CACNA1E: variants seen among roughly 807,000 people sequenced by gnomAD.
CACNA1E encodes the protein calcium voltage-gated channel subunit alpha1 E.
CACNA1E carries 40 observed loss-of-function variants against 259.2 expected under a neutral mutation model. The ratio of observed to expected loss-of-function variants is 0.15; its 90% confidence interval spans 0.12 to 0.20. The LOEUF (loss-of-function observed/expected upper bound fraction) is 0.20, where lower values mean the gene tolerates loss of function less well. Among genes scored for constraint, CACNA1E ranks in the 10% least tolerant of loss-of-function variants. The pLI is 1.00. For synonymous variants in CACNA1E, 1,104 were observed against 1,138.5 expected (o/e 0.97, Z 0.61); for missense variants, 1,874 against 3,040.1 (o/e 0.62, Z 9.02).
chr1:181,673,017 G>A (rs1648963434), intron 7 of CACNA1E, among the ~76,000 whole-genome samples: 1 of 152,130 alleles, frequency 6.6e-6, no homozygotes, highest in Non-Finnish European at 1.5e-5. Flanking sequence ...GGGAGCAAGT[G>A]AGAAAATTGA....
chr1:181,608,283 C>T lies in CACNA1E; in HGVS notation c.951+27507C>T, dbSNP rs79282109. 7.3e-3 allele frequency among the ~76,000 whole-genome samples: 1,108 copies of T among 151,976 alleles called. 18 individuals carry two copies. The highest frequency in any genetic ancestry group is 0.025 in the African/African-American group (1,050 of 41,436). Reference sequence around the variant, plus strand: ...TGGGAAGACAGGGAGGAGCGAGGAACGATGAGGATATCCAGGTAAGGATAG... The same window carrying T: ...TGGGAAGACAGGGAGGAGCGAGGAATGATGAGGATATCCAGGTAAGGATAG... On this transcript the variant is annotated intron_variant, in intron 6 of 47. Coordinates refer to ENST00000367573, the MANE Select transcript of CACNA1E (RefSeq NM_001205293.3).
chr1:181,552,553 GTTTA>G (rs1252751306), intron 3 of CACNA1E, among the ~76,000 whole-genome samples: 2 of 146,122 alleles, frequency 1.4e-5, no homozygotes, highest in African/African-American at 5.1e-5. Flanking sequence ...GCTACAGTTT[GTTTA>G]TTTATTCAGC....
intron 18 of CACNA1E, among the ~76,000 whole-genome samples, chr1:181,728,514 C>T (rs1013561026): frequency 2.0e-5 from 3 of 152,344 alleles, no homozygotes; most frequent in Admixed American, 1.3e-4. Context: ...GTGCCCCGCT[C>T]AGCTGTGTAC....
At chr1:181,388,855 C>T (rs1247405704) in intron 1 of CACNA1E, among the ~76,000 whole-genome samples, 1 of 151,556 alleles carries the variant, frequency 6.6e-6, no homozygotes, top group East Asian at 1.9e-4. Context: ...GGCGCCATTG[C>T]ACTCCAGCCT....
At chr1:181,520,541 T>TG (rs1666923576) in intron 3 of CACNA1E, among the ~76,000 whole-genome samples, 1 of 152,234 alleles carries the variant, frequency 6.6e-6, no homozygotes, top group Admixed American at 6.5e-5. Flanking sequence ...CTATAAAACT[T>TG]GCAACCACAG....
intron 38 of CACNA1E, among the ~76,000 whole-genome samples, chr1:181,778,084 C>T (rs1660118159): frequency 6.6e-6 from 1 of 152,178 alleles, no homozygotes; most frequent in Non-Finnish European, 1.5e-5. Context: ...TGGGAAAGAG[C>T]ATAAAGACAA....
At chr1:181,674,735 C>T (rs1409945496) in intron 7 of CACNA1E, among the ~76,000 whole-genome samples, 1 of 152,196 alleles carries the variant, frequency 6.6e-6, no homozygotes, top group Non-Finnish European at 1.5e-5. Flanking sequence ...GACCATCTCT[C>T]TCAAGTCTCT....
intron 7 of CACNA1E, among the ~76,000 whole-genome samples, chr1:181,686,275 GTTTTTTTTT>G (rs66526388): frequency 5.1e-5 from 3 of 58,670 alleles, no homozygotes; most frequent in Non-Finnish European, 9.5e-5. Context: ...TAAGAACCAA[GTTTTTTTTT>G]TTTTTTTTTT....
At position 181,411,678 on chromosome 1, in the gene CACNA1E, C is replaced by G. The variant is rs894308975; in HGVS notation, c.-14-1455C>G. On this transcript the variant is annotated intron_variant, in intron 1 of 11. Coordinates refer to the CACNA1E transcript ENST00000524607. ...AGGCTGGAGTGCAATGGTGCGGTTT[C>G]AGCTCACTGCAACCTCTGCCCACCG... Among the ~76,000 whole-genome samples, 15 of 152,152 alleles carry G rather than the reference C, an allele frequency of 9.9e-5. No homozygotes were observed. The South Asian group carries it at 1.0e-3, about 11-fold the overall frequency.
chr1:181,701,568 G>A (rs1158446219), intron 7 of CACNA1E, among the ~76,000 whole-genome samples: 6 of 152,202 alleles, frequency 3.9e-5, no homozygotes, highest in Non-Finnish European at 8.8e-5. Flanking sequence ...GTGCTACAAT[G>A]AGGTGGCGCA....
At chr1:181,409,987 C>T (rs182627553) in intron 1 of CACNA1E, among the ~76,000 whole-genome samples, 170 of 152,100 alleles carry the variant, frequency 1.1e-3, no homozygotes, top group Non-Finnish European at 1.4e-3. Context: ...TACTGGTGGC[C>T]TGGTGAGAGC....
chr1:181,459,543 C>T (rs998380763), intron 2 of CACNA1E, among the ~76,000 whole-genome samples: 7 of 152,244 alleles, frequency 4.6e-5, no homozygotes, highest in Non-Finnish European at 1.5e-5. Context: ...ACTGGAGCTA[C>T]TCCACCTGTG....
exon 1 of CACNA1E, chr1:181,317,731 C>A (rs1870383): frequency 0.22 from 33,189 of 151,322 alleles, 5,344 homozygotes; most frequent in African/African-American, 0.46. Flanking sequence ...CTGGACAGCG[C>A]TATCTTCTGC....
chr1:181,319,348 A>G (rs554685626), intron 1 of CACNA1E, among the ~76,000 whole-genome samples: 5 of 152,386 alleles, frequency 3.3e-5, no homozygotes, highest in South Asian at 4.1e-4. Flanking sequence ...CACTGAGGTC[A>G]GAACCAGAGG....
exon 1 of CACNA1E, chr1:181,317,762 C>G (rs1650006619): frequency 6.6e-6 from 1 of 152,062 alleles, no homozygotes; most frequent in African/African-American, 2.4e-5. Context: ...TAGCTCTCTT[C>G]CCTCCTCCTT....
chr1:181,470,587 A>G (rs1050391393), intron 2 of CACNA1E, among the ~76,000 whole-genome samples: 1 of 152,164 alleles, frequency 6.6e-6, no homozygotes, highest in Non-Finnish European at 1.5e-5. Flanking sequence ...TGAGAGGTAT[A>G]TAACCAAGGA....
intron 37 of CACNA1E, among the ~76,000 whole-genome samples, 154 bp downstream of exon 37, chr1:181,772,385 C>G (rs1047697344): frequency 2.6e-5 from 4 of 152,142 alleles, no homozygotes; most frequent in Non-Finnish European, 4.4e-5. Context: ...CTCACACTCA[C>G]GTCCACACCC....
rs181319420 is a variant in CACNA1E, at chr1:181,524,945, T to A, written c.512+13435T>A. ...AATTGTCAGATGCATAGGAGATATA[T>A]AATAAATGTTTTCTTCTAATTATTA... On this transcript the variant is annotated intron_variant, in intron 3 of 47. Transcript: ENST00000367573. Among the ~76,000 whole-genome samples the A allele has an allele frequency of 9.2e-5, 14 of 152,344 alleles. No homozygotes were observed. In the East Asian group the frequency reaches 2.5e-3, roughly 27 times the overall value.
chr1:181,682,609 A>G (rs1454297311), intron 7 of CACNA1E, among the ~76,000 whole-genome samples: 1 of 152,216 alleles, frequency 6.6e-6, no homozygotes, highest in Non-Finnish European at 1.5e-5. Flanking sequence ...AAGAGGTTTA[A>G]TTGGCATATG....
Sources: allele counts gnomAD v4.1 joint callset (sites outside exome capture counted in the v4.1 genomes callset), GRCh38; gene constraint gnomAD v4.1.1; transcripts MANE v1.5; gene names NCBI Gene and HGNC (gene_info 2026-07-23, HGNC 2026-07-21).